GALNT14: variants seen among roughly 807,000 people sequenced by gnomAD.
The protein encoded by GALNT14 is polypeptide N-acetylgalactosaminyltransferase 14.
Under a neutral mutation model 77.5 loss-of-function variants are expected in GALNT14, and 60 were observed. The ratio of observed to expected loss-of-function variants is 0.77; its 90% CI spans 0.63 to 0.96. The LOEUF (loss-of-function observed/expected upper bound fraction) is 0.96. GALNT14 is among the 40% of genes least tolerant of loss of function. The pLI is 0.00. For synonymous variants in GALNT14, 280 were observed against 281.7 expected, an observed-to-expected ratio of 0.99 and a Z score of 0.06; for missense variants, 710 against 731.0, an observed-to-expected ratio of 0.97 and a Z score of 0.33.
chr2:31,112,368 C>A (rs1677887082), intron 1 of GALNT14, among the ~76,000 whole-genome samples: 1 of 152,154 alleles, frequency 6.6e-6, no homozygotes, highest in African/African-American at 2.4e-5. Context: ...ATTCATAGAC[C>A]CTTAGCTTCT....
chr2:31,066,235 C>G (rs142606785), intron 1 of GALNT14, among the ~76,000 whole-genome samples: 4 of 152,080 alleles, frequency 2.6e-5, no homozygotes, highest in African/African-American at 4.8e-5. Flanking sequence ...GGTTGTAGGC[C>G]CCCCCAGAGG....
rs369996391 is a variant in GALNT14, at chr2:31,048,381, G to A, written c.130-55374C>T. 1.1e-3 allele frequency among the ~76,000 whole-genome samples: 166 copies of A among 152,304 alleles called. 4 individuals carry two copies. In the South Asian group the frequency reaches 0.021, roughly 19 times the overall value. On this transcript the variant is annotated intron_variant, in intron 1 of 14. Transcript: ENST00000349752. ...TGCACCAGCCACTTCTCCCCATGAG[G>A]AGCCTGATCAGGTAGTTCAGCAAAA...
intron 2 of GALNT14, among the ~76,000 whole-genome samples, chr2:30,989,412 G>A (rs1005915820): frequency 6.6e-6 from 1 of 151,430 alleles, no homozygotes; most frequent in African/African-American, 2.4e-5. Flanking sequence ...TGGGGGTTTA[G>A]TTGCATCTCT....
chr2:31,042,906 T>C (rs1673188052), intron 1 of GALNT14, among the ~76,000 whole-genome samples: 1 of 152,182 alleles, frequency 6.6e-6, no homozygotes. Flanking sequence ...AGTCAGATCA[T>C]GTCATTCCTT....
intron 1 of GALNT14, among the ~76,000 whole-genome samples, chr2:31,091,095 TG>T (rs913077747): frequency 2.6e-5 from 4 of 152,172 alleles, no homozygotes; most frequent in Non-Finnish European, 5.9e-5. Context: ...TTGCTTTGAC[TG>T]GGGGAGGTAA....
At chr2:31,049,904 C>T (rs1673727596) in intron 1 of GALNT14, among the ~76,000 whole-genome samples, 1 of 152,106 alleles carries the variant, frequency 6.6e-6, no homozygotes, top group South Asian at 2.1e-4. Flanking sequence ...TTATTTCACT[C>T]TTCTGTGAAA....
intron 11 of GALNT14, among the ~76,000 whole-genome samples, chr2:30,926,580 A>G (rs772688815): frequency 1.1e-3 from 165 of 152,184 alleles, no homozygotes; most frequent in Non-Finnish European, 1.7e-3. Flanking sequence ...CAGAGAGAAT[A>G]TGTAGTAAGA....
In GALNT14 at chr2:31,123,075, G is replaced by A. The variant is rs994819519; in HGVS notation, c.129+14883C>T. Among the ~76,000 whole-genome samples, 9 of 151,822 alleles carry A rather than the reference G, an allele frequency of 5.9e-5. No individual in the cohort carries two copies. The East Asian group carries it at 1.4e-3, about 23-fold the overall frequency. The stretch of plus-strand genomic sequence containing the variant: ...CGGGCACCTGTAGTCCCAGCTACTC[G>A]GGAGGCTGAGGTAGGAGGACGGCAT... On this transcript the variant is annotated intron_variant, in intron 1 of 14. Transcript: ENST00000349752.
intron 6 of GALNT14, among the ~76,000 whole-genome samples, chr2:30,952,783 G>C (rs1267935082): frequency 6.6e-6 from 1 of 151,366 alleles, no homozygotes; most frequent in African/African-American, 2.4e-5. Context: ...AAAGAATTTT[G>C]GTTGATTCAT....
intron 11 of GALNT14, among the ~76,000 whole-genome samples, chr2:30,927,760 AAT>A (rs1216054000): frequency 1.3e-5 from 2 of 152,152 alleles, no homozygotes; most frequent in African/African-American, 4.8e-5. Context: ...GTGGAGGTTT[AAT>A]GAAGATCGAG....
intron 1 of GALNT14, among the ~76,000 whole-genome samples, chr2:31,063,711 T>C (rs1199848557): frequency 6.6e-6 from 1 of 152,198 alleles, no homozygotes; most frequent in Non-Finnish European, 1.5e-5. Context: ...GTTTTTCCGT[T>C]TGTTTGTTTC....
chr2:30,961,367 T>A (rs543822775), intron 3 of GALNT14, among the ~76,000 whole-genome samples: 1 of 152,178 alleles, frequency 6.6e-6, no homozygotes, highest in Admixed American at 6.5e-5. Context: ...TTGAGTTTAG[T>A]CATTCTGGAG....
At chr2:30,921,041 G>T (rs1665000359) in intron 13 of GALNT14, among the ~76,000 whole-genome samples, 1 of 152,200 alleles carries the variant, frequency 6.6e-6, no homozygotes, top group Non-Finnish European at 1.5e-5. Context: ...ATGAGTGTGA[G>T]TTGCCCCCAG....
chr2:30,953,049 G>A (rs1305573337), intron 6 of GALNT14, among the ~76,000 whole-genome samples: 1 of 152,152 alleles, frequency 6.6e-6, no homozygotes, highest in Admixed American at 6.5e-5. Context: ...CCCCAGCTAA[G>A]TACTCCTAGA....
intron 1 of GALNT14, among the ~76,000 whole-genome samples, chr2:31,029,016 G>C (rs1375767337): frequency 6.6e-6 from 1 of 152,138 alleles, no homozygotes; most frequent in Non-Finnish European, 1.5e-5. Flanking sequence ...TCTTCCCTAT[G>C]CTCAATTCTC....
rs2148192728 is a variant in GALNT14, at chr2:30,910,834, A to C, written c.*67T>G. ...GGTGGTTGCAGGCTGCTTGCTGCCC[A>C]GTTTCCAGTCTGTTCTGGTCCAGGG... On this transcript the variant is annotated 3_prime_UTR_variant, in exon 15 of 15. Transcript: ENST00000349752. The C allele has an allele frequency of 1.3e-6, 2 of 1,543,518 alleles. No individual in the cohort carries two copies. The highest frequency in any genetic ancestry group is 4.5e-5 in the East Asian group (2 of 44,014).
intron 1 of GALNT14, among the ~76,000 whole-genome samples, chr2:31,046,049 T>C (rs1673432844): frequency 6.6e-6 from 1 of 152,192 alleles, no homozygotes; most frequent in African/African-American, 2.4e-5. Context: ...GCAGCCATTG[T>C]GCTAATCACT....
In GALNT14 at chr2:30,924,781, C is replaced by T. The variant is rs1245473249; in HGVS notation, c.1194G>A (p.Gln398=). Residue 398 remains glutamine, a synonymous_variant, in exon 12 of 15, where the codon CAG becomes CAA. Coordinates refer to ENST00000349752, the MANE Select transcript of GALNT14 (RefSeq NM_024572.4). ...TATTCTCCAGGTACCACTTGAAGCT[C>T]TGGCAGCGCAGATTCTTCCTCAGGT... The part of the protein sequence containing the change: ...RLDLRKNLRC[Q]SFKWYLENIY... 1.1e-5 allele frequency: 17 copies of T among 1,614,150 alleles called. No homozygotes were observed. Among genetic ancestry groups the T allele is most frequent in the Admixed American group, 1.7e-5 (1 of 60,016 alleles).
Position 30,932,061 on chromosome 2 carries a change from CACTT to C in GALNT14, c.1058+3_1058+6del. On this transcript the variant is annotated splice_donor_5th_base_variant and intron_variant, in intron 10 of 14. Transcript: ENST00000349752. ...TGCCCACCCGCGCTGAGCCCCTGGG[CACTT>C]ACTTTATATACGTGTTGGCATTTCC... 8 of 1,526,346 alleles carry C rather than the reference CACTT, an allele frequency of 5.2e-6. No homozygotes were observed. Among genetic ancestry groups the C allele is most frequent in the Non-Finnish European group, 6.2e-6 (7 of 1,134,858 alleles). The allele number at this position is 1,526,346 out of a possible 1,614,324, so 94.6% of individuals were successfully genotyped here.
Sources: allele counts gnomAD v4.1 joint callset (sites outside exome capture counted in the v4.1 genomes callset), GRCh38; gene constraint gnomAD v4.1.1; transcripts MANE v1.5; gene names NCBI Gene and HGNC (gene_info 2026-07-23, HGNC 2026-07-21).